PKD1: variants seen among roughly 807,000 people sequenced by gnomAD.
PKD1 encodes the protein polycystin 1, transient receptor potential channel interacting.
A neutral mutation model predicts 361.7 loss-of-function variants in PKD1; 81 were observed. The observed-to-expected ratio is 0.22, with a 90% confidence interval of 0.19 to 0.27. PKD1 has a LOEUF of 0.27. Ranked by LOEUF, PKD1 falls within the 10% of genes least tolerant of loss-of-function variation. The pLI, the probability that PKD1 is intolerant of heterozygous loss-of-function variation, is 1.00. For synonymous variants in PKD1, 3,615 were observed against 2,818.3 expected, an observed-to-expected ratio of 1.28 and a Z score of -8.95; for missense variants, 6,399 against 6,118.3, an observed-to-expected ratio of 1.05 and a Z score of -1.53.
At chr16:2,117,417 C>T in intron 6 of PKD1, 72 bp downstream of exon 6, 2 of 1,198,996 alleles carry the variant, frequency 1.7e-6, no homozygotes, top group Non-Finnish European at 2.3e-6. Context: ...TGAGACTCCC[C>T]AGCCGCAGGC....
At chr16:2,115,283 T>C in intron 10 of PKD1, 95 bp downstream of exon 10, 1 of 1,278,498 alleles carries the variant, frequency 7.8e-7, no homozygotes, top group East Asian at 2.5e-5. Flanking sequence ...GCCTGCAGGC[T>C]GGGTGTGTCT....
chr16:2,101,312 G>C (rs947219829), intron 26 of PKD1, among the ~76,000 whole-genome samples: 2 of 151,904 alleles, frequency 1.3e-5, no homozygotes, highest in Non-Finnish European at 2.9e-5. Context: ...GTAATCAAAA[G>C]AAAGAACTGG....
In PKD1 at chr16:2,109,366, G is replaced by T. The variant is rs763337298; in HGVS notation, c.5801C>A (p.Pro1934His). 1 of 1,593,166 alleles carries T rather than the reference G, an allele frequency of 6.3e-7. No individual in the cohort carries two copies. The change falls in exon 15 of 46, where the codon CCC becomes CAC. Residue 1934 changes from proline to histidine, a missense_variant. Physicochemically the swap from Pro to His is moderately conservative, Grantham distance 77 (BLOSUM62 -2). Transcript: ENST00000262304. ...GGANPEVLPG[P>H]RFSHSFPRVG... The stretch of plus-strand genomic sequence containing the variant: ...GCGGGGGAAGCTGTGGGAGAAACGG[G>T]GCCCGGGGAGCACCTCGGGGTTGGC...
chr16:2,113,394 G>A (rs2092570562), intron 11 of PKD1, 102 bp from the exon 12 acceptor site: 3 of 1,167,932 alleles, frequency 2.6e-6, no homozygotes. Flanking sequence ...TCCCACGCGG[G>A]GCACAGAGGA....
At chr16:2,107,819 A>G in intron 16 of PKD1, 64 bp downstream of exon 16, 1 of 1,484,588 alleles carries the variant, frequency 6.7e-7, no homozygotes, top group South Asian at 1.2e-5. Context: ...AACACGGAAA[A>G]CAGTAGATGA....
Position 2,089,561 on chromosome 16 carries a change from G to GC in PKD1, c.*165dup. 1.2e-6 allele frequency: 1 copy of GC among 845,092 alleles called. No homozygotes were observed. The highest frequency in any genetic ancestry group is 1.8e-6 in the Non-Finnish European group (1 of 544,254). 52.3% of individuals were successfully genotyped at this position (845,092 alleles called of 1,614,324 possible). Reference sequence around the variant, plus strand: ...ACCCTGGGTCCTGGTTGGCCACACAGCCTCTTTAAAGTGCTGAAGCCCACA... The same window carrying GC: ...ACCCTGGGTCCTGGTTGGCCACACAGCCCTCTTTAAAGTGCTGAAGCCCACA... On this transcript the variant is annotated 3_prime_UTR_variant, in exon 46 of 46. Transcript: ENST00000262304.
Position 2,097,207 on chromosome 16 carries a change from C to T in PKD1, c.10440G>A (p.Gly3480=), listed in dbSNP as rs562495086. 9.8e-5 allele frequency: 154 copies of T among 1,569,292 alleles called. 2 individuals are homozygous for T. In the South Asian group the frequency reaches 1.7e-3, roughly 17 times the overall value. ...EDLIQQVLAE[G]VSSPAPTQDT... is the part of the protein sequence containing the mutation. ...CTTGGGTAGGGGCTGGGCTGCTGAC[C>T]CCCTCGGCAAGGACCTGCTGGATCA... Residue 3480 remains glycine, a synonymous_variant, in exon 34 of 46, where the codon GGG becomes GGA. Coordinates refer to ENST00000262304, the MANE Select transcript of PKD1 (RefSeq NM_001009944.3).
chr16:2,132,961 A>G (rs544963931), intron 1 of PKD1, among the ~76,000 whole-genome samples: 1 of 151,080 alleles, frequency 6.6e-6, no homozygotes, highest in Non-Finnish European at 1.5e-5. Context: ...CACGCCTGTA[A>G]TCCCAGCTAC....
chr16:2,092,961 T>C lies in PKD1; in HGVS notation c.11149A>G (p.Ile3717Val), dbSNP rs953344862. 6.2e-7 allele frequency: 1 copy of C among 1,613,030 alleles called. No homozygotes were observed. Among genetic ancestry groups the C allele is most frequent in the Non-Finnish European group, 8.5e-7 (1 of 1,180,016 alleles). Residue 3717 changes from isoleucine (I) to valine (V), a missense_variant, in exon 38 of 46, where the codon ATC becomes GTC. Coordinates refer to ENST00000262304, the MANE Select transcript of PKD1 (RefSeq NM_001009944.3). ...TGCACCGGATGCCCGTACCGCGTGA[T>C]GGCCAGGAAGGCCCGGCTGTGCAGC... ...QELHSRAFLA[I>V]TRSEELWPWM...
In PKD1 at chr16:2,112,354, G is replaced by C. The variant is rs752995047; in HGVS notation, c.3281C>G (p.Thr1094Ser). The change falls in exon 14 of 46, where the codon ACC becomes AGC. Residue 1094 changes from threonine to serine, a missense_variant. Coordinates refer to ENST00000262304, the MANE Select transcript of PKD1 (RefSeq NM_001009944.3). ...QVLVEHNVMH[T>S]YAAPGEYLLT... ...TCATCCCTCACCTGGGGCAGCGTAG[G>C]TGTGCATGACATTGTGCTCCACCAG... is the stretch of plus-strand genomic sequence containing the variant. 4.2e-5 allele frequency: 66 copies of C among 1,587,998 alleles called. No homozygotes were observed. The highest frequency in any genetic ancestry group is 1.1e-4 in the African/African-American group (8 of 73,324).
chr16:2,097,065 C>T (rs948296299), intron 34 of PKD1, 83 bp downstream of exon 34: 7 of 896,482 alleles, frequency 7.8e-6, no homozygotes, highest in Non-Finnish European at 1.1e-5. Flanking sequence ...CCCACCCTAC[C>T]CCAGGCGGGA....
At position 2,118,094 on chromosome 16, in the gene PKD1, C is replaced by T. The variant is rs1219213411; in HGVS notation, c.898G>A (p.Val300Ile). The stretch of plus-strand genomic sequence containing the variant: ...CCGAAGTCCCAGCGTGTGGCAGTGA[C>T]AGGGAGCGGGGCAGCGATGTGGAAG... ...AAFHIAAPLPVTATRWDFGDG... is the reference protein window; with the variant it reads ...AAFHIAAPLPITATRWDFGDG... Residue 300 changes from valine to isoleucine, a missense_variant, in exon 5 of 46, where the codon GTC becomes ATC. Val to Ile is a conservative substitution (Grantham distance 29). Transcript: ENST00000262304. The surrounding 1 kb of genome is among the most constrained non-coding windows in gnomAD (Gnocchi z 6.0). 9.3e-6 allele frequency: 15 copies of T among 1,606,856 alleles called. No individual in the cohort carries two copies. Among genetic ancestry groups the T allele is most frequent in the Admixed American group, 1.7e-5 (1 of 59,828 alleles).
Position 2,102,166 on chromosome 16 carries a change from G to C in PKD1, c.9292C>G (p.Leu3098Val), listed in dbSNP as rs776541945. 1 of 1,552,830 alleles carries C rather than the reference G, an allele frequency of 6.4e-7. No individual in the cohort carries two copies. Among genetic ancestry groups the C allele is most frequent in the Non-Finnish European group, 8.8e-7 (1 of 1,134,456 alleles). Reference protein sequence around the residue: ...YMVMAAILHKLDQLDASRGRA... With the variant: ...YMVMAAILHKVDQLDASRGRA... ...CCCCGGCTGGCATCCAACTGGTCCA[G>C]CTTGTGCAGGATGGCGGCCATGACC... The change falls in exon 26 of 46, where the codon CTG becomes GTG. Residue 3098 changes from leucine (L) to valine (V), a missense_variant. Leu to Val is a conservative substitution (Grantham distance 32). Coordinates refer to ENST00000262304, the MANE Select transcript of PKD1 (RefSeq NM_001009944.3).
chr16:2,094,328 CA>C, intron 34 of PKD1, 118 bp from the exon 35 acceptor site: 1 of 724,042 alleles, frequency 1.4e-6, no homozygotes, highest in Admixed American at 2.0e-5. Flanking sequence ...GTCCCCCCGA[CA>C]AAAAGCCGGA....
intron 30 of PKD1, 197 bp downstream of exon 30, chr16:2,099,447 C>G: frequency 1.5e-6 from 1 of 684,480 alleles, no homozygotes; most frequent in Non-Finnish European, 2.6e-6. Flanking sequence ...CGTTCTTTCA[C>G]CATTCTGGCT....
chr16:2,105,297 G>C (rs767278030), intron 21 of PKD1, 25 bp downstream of exon 21: 3 of 1,592,950 alleles, frequency 1.9e-6, no homozygotes, highest in African/African-American at 1.3e-5. Flanking sequence ...ATGCGGGGCA[G>C]GGTGAGCAGG....
chr16:2,090,080 G>A lies in PKD1; in HGVS notation c.12559C>T (p.Pro4187Ser), dbSNP rs778378731. The change falls in exon 46 of 46, where the codon CCC becomes TCC. Residue 4187 changes from proline (P) to serine (S), a missense_variant. By Grantham distance (74) the Pro-to-Ser change is moderately conservative. Coordinates refer to ENST00000262304, the MANE Select transcript of PKD1 (RefSeq NM_001009944.3). ...TCCAGCTGGCTGGAGGAGGTGGAGG[G>A]GTGCGAGGCATCGGAGCCAGCGCTG... ...PPSAGSDASHPSTSSSQLDGL... is the reference protein window; with the variant it reads ...PPSAGSDASHSSTSSSQLDGL... 20 of 1,609,456 alleles carry A rather than the reference G, an allele frequency of 1.2e-5. No homozygotes were observed. The highest frequency in any genetic ancestry group is 1.7e-5 in the Admixed American group (1 of 59,900).
chr16:2,109,737 G>C lies in PKD1; in HGVS notation c.5430C>G (p.Ser1810Arg), dbSNP rs146515679. 5 of 1,608,202 alleles carry C rather than the reference G, an allele frequency of 3.1e-6. No homozygotes were observed. Among genetic ancestry groups the C allele is most frequent in the Non-Finnish European group, 4.2e-6 (5 of 1,178,758 alleles). Residue 1810 changes from serine (S) to arginine (R), a missense_variant, in exon 15 of 46, where the codon AGC becomes AGG. Transcript: ENST00000262304. The stretch of plus-strand genomic sequence containing the variant: ...CCGCCACGAAGCTGCCTCCGGGCTC[G>C]CTGGCCCTGATGCTGAGGCCACTCA... ...VPVSGLSIRA[S>R]EPGGSFVAAG...
chr16:2,129,876 T>C (rs980828117), intron 1 of PKD1, among the ~76,000 whole-genome samples: 18 of 152,002 alleles, frequency 1.2e-4, no homozygotes, highest in African/African-American at 3.4e-4. Flanking sequence ...CTGTCTGTTG[T>C]TGAATCATAG....
Sources: gnomAD v4.1 joint callset for allele counts (sites outside exome capture counted in the v4.1 genomes callset) on GRCh38, gnomAD v4.1.1 for gene constraint, Gnocchi (gnomAD v3.1) non-coding constraint, MANE v1.5 for transcripts, NCBI Gene and HGNC (gene_info 2026-07-23, HGNC 2026-07-21) for gene names.